The following EPHA10 variants were observed in gnomAD, a reference collection of about 807,000 sequenced individuals.
The protein encoded by EPHA10 is EPH receptor A10.
A neutral mutation model predicts 109.7 loss-of-function variants in EPHA10; 120 were observed. The observed-to-expected ratio is 1.09, with a 90% CI of 0.94 to 1.27. The LOEUF (loss-of-function observed/expected upper bound fraction) is 1.27. Ranked by LOEUF, EPHA10 falls within the 50% of genes most tolerant of loss-of-function variation. The pLI is 0.00. For missense variants in EPHA10, 1,396 were observed against 1,411.1 expected (o/e 0.99, Z 0.17); for synonymous variants, 640 against 618.9 (o/e 1.03, Z -0.51).
intron 10 of EPHA10, 56 bp from the exon 11 acceptor site, chr1:37,721,901 G>C (rs1645804834): frequency 7.0e-7 from 1 of 1,435,242 alleles, no homozygotes; most frequent in Non-Finnish European, 9.2e-7. Context: ...GGCTGAGCTG[G>C]GCAGGCTGAG....
chr1:37,729,299 A>G (rs977117737), intron 7 of EPHA10, among the ~76,000 whole-genome samples: 1 of 152,198 alleles, frequency 6.6e-6, no homozygotes, highest in African/African-American at 2.4e-5. Flanking sequence ...GCTGAGAGGC[A>G]CCTATATTAC....
At chr1:37,749,504 C>A (rs1646291169) in intron 5 of EPHA10, among the ~76,000 whole-genome samples, 1 of 151,724 alleles carries the variant, frequency 6.6e-6, no homozygotes, top group African/African-American at 2.4e-5. Context: ...GAAACCCTGT[C>A]TCTACTAAAA....
chr1:37,761,434 C>A lies in EPHA10; in HGVS notation c.821G>T (p.Gly274Val). The change falls in exon 3 of 17, where the codon GGA (glycine) becomes GTA (valine). Residue 274 changes from glycine to valine, a missense_variant. Coordinates refer to ENST00000373048, the MANE Select transcript of EPHA10 (RefSeq NM_001099439.2). ...GCAGAAGTCACCACGCTCCTGGAAT[C>A]CCGCGCTGCAGCTGCAGCGGCCCAC... ...VPVGRCSCSA[G>V]FQERGDFCEA... 1 of 1,599,736 alleles carries A rather than the reference C, an allele frequency of 6.3e-7. No individual in the cohort carries two copies. Among genetic ancestry groups the A allele is most frequent in the South Asian group, 1.1e-5 (1 of 91,078 alleles).
At chr1:37,749,416 T>C (rs1557553115) in intron 5 of EPHA10, among the ~76,000 whole-genome samples, 1 of 151,592 alleles carries the variant, frequency 6.6e-6, no homozygotes, top group Non-Finnish European at 1.5e-5. Context: ...CTCACGCCTG[T>C]AATCCCAGCA....
intron 7 of EPHA10, among the ~76,000 whole-genome samples, chr1:37,729,210 G>A (rs1645941549): frequency 6.6e-6 from 1 of 152,170 alleles, no homozygotes; most frequent in Non-Finnish European, 1.5e-5. Flanking sequence ...CTCTCCCCCA[G>A]CTAAGCCCCG....
At chr1:37,714,251 G>A (rs1264632320), downstream of EPHA10, among the ~76,000 whole-genome samples, 1 of 152,220 alleles carries the variant, frequency 6.6e-6, no homozygotes, top group African/African-American at 2.4e-5. Context: ...GCAGCCTAAA[G>A]AACATGAATG....
In EPHA10 at chr1:37,731,417, C is replaced by T. The variant is rs1645979876; in HGVS notation, c.1657G>A (p.Gly553Arg). The change falls in exon 7 of 17, where the codon GGG (glycine) becomes AGG (arginine). Residue 553 changes from glycine (G) to arginine (R), a missense_variant. Transcript: ENST00000373048. Reference sequence around the variant, plus strand: ...ACTCACACACACTACTTACCCTCCCCCAGGGTCTGTACTTCAATGCTGGGG... The same window carrying T: ...ACTCACACACACTACTTACCCTCCCTCAGGGTCTGTACTTCAATGCTGGGG... ...FNPSIEVQTL[G>R]EAASGSRDQS... is the part of the protein sequence containing the mutation. The T allele has an allele frequency of 1.9e-6, 3 of 1,606,166 alleles. No individual in the cohort carries two copies. The highest frequency in any genetic ancestry group is 2.6e-6 in the Non-Finnish European group (3 of 1,175,518).
In EPHA10 at chr1:37,752,929, G is replaced by A; in HGVS notation, c.1304C>T (p.Ala435Val). The A allele has an allele frequency of 1.5e-6, 2 of 1,309,964 alleles. No homozygotes were observed. The highest frequency in any genetic ancestry group is 1.9e-6 in the Non-Finnish European group (2 of 1,032,168). 81.1% of individuals were successfully genotyped at this position (1,309,964 alleles called of 1,614,324 possible). Residue 435 changes from alanine to valine, a missense_variant, in exon 5 of 17, where the codon GCG becomes GTG. By Grantham distance (64) the Ala-to-Val change is moderately conservative (BLOSUM62 0). Transcript: ENST00000373048. Reference sequence around the variant, plus strand: ...CGCGTAGGTGGTTCCCGCGGCGGCCGCCGGGCCCGAGACGCCGTTGAGCGC... The same window carrying A: ...CGCGTAGGTGGTTCCCGCGGCGGCCACCGGGCCCGAGACGCCGTTGAGCGC... ...VAALNGVSGPAAAAGTTYAQV... is the reference protein window; with the variant it reads ...VAALNGVSGPVAAAGTTYAQV...
chr1:37,760,213 G>T (rs1372305385), intron 3 of EPHA10: 16 of 946,544 alleles, frequency 1.7e-5, no homozygotes, highest in Non-Finnish European at 1.9e-5. Context: ...TGAGCTTCTT[G>T]AGAGCTAGGA....
At position 37,754,273 on chromosome 1, in the gene EPHA10, G is replaced by A; in HGVS notation, c.948C>T (p.Cys316=). Residue 316 remains cysteine, a synonymous_variant, in exon 4 of 17, where the codon TGC becomes TGT. Coordinates refer to ENST00000373048, the MANE Select transcript of EPHA10 (RefSeq NM_001099439.2). The surrounding 1 kb of genome is among the most constrained non-coding windows in gnomAD (Gnocchi z 4.5). The stretch of plus-strand genomic sequence containing the variant: ...AGCGCGCATAGCTGTCCTGGCACAC[G>A]CAGAAGGTGGAGGCGTTTTCCAGGG... ...SRALENASTF[C]VCQDSYARSP... 2 of 1,320,008 alleles carry A rather than the reference G, an allele frequency of 1.5e-6. No individual in the cohort carries two copies. Among genetic ancestry groups the A allele is most frequent in the Admixed American group, 4.0e-5 (1 of 25,190 alleles). 81.8% of individuals were successfully genotyped at this position (1,320,008 alleles called of 1,614,324 possible).
rs1240163613 is a variant in EPHA10, at chr1:37,751,224, AAG to A, written c.1357+1650_1357+1651del. Among the ~76,000 whole-genome samples the A allele has an allele frequency of 4.9e-4, 55 of 112,036 alleles. 2 individuals are homozygous for A. Among genetic ancestry groups the A allele is most frequent in the South Asian group, 8.9e-4 (3 of 3,362 alleles). 73.5% of individuals were successfully genotyped at this position (112,036 alleles called of 152,430 possible). A position where few individuals can be genotyped will look rare whatever the true frequency, so the allele number is the denominator to read the frequency against. On this transcript the variant is annotated intron_variant, in intron 5 of 16. Transcript: ENST00000373048. ...CTCAAAAAAAAAAAAAAAAGAAAGA[AAG>A]AAAGAAAAAGAAAAAGAAAAAAAAA...
At position 37,761,668 on chromosome 1, in the gene EPHA10, C is replaced by CTTT. The variant is rs749944073; in HGVS notation, c.586_587insAAA (p.Gly196delinsGluSer). 2 of 1,610,354 alleles carry CTTT rather than the reference C, an allele frequency of 1.2e-6. No individual in the cohort carries two copies. Among genetic ancestry groups the CTTT allele is most frequent in the Non-Finnish European group, 1.7e-6 (2 of 1,179,864 alleles). On this transcript the variant is annotated protein_altering_variant, in exon 3 of 17. Transcript: ENST00000373048. Reference sequence around the variant, plus strand: ...CACCGAGACAAGCGCCACGCATGCGCCCACGTCCTGAAAGGCCAGGTGGAA... The same window carrying CTTT: ...CACCGAGACAAGCGCCACGCATGCGCTTTCCACGTCCTGAAAGGCCAGGTGGAA...
chr1:37,723,402 G>C, intron 8 of EPHA10, 30 bp from the exon 9 acceptor site: 1 of 1,612,302 alleles, frequency 6.2e-7, no homozygotes, highest in South Asian at 1.1e-5. Context: ...CATTCTTTCA[G>C]CCAGGCCACC....
chr1:37,723,452 T>C lies in EPHA10; in HGVS notation c.1773-80A>G, dbSNP rs371676401. On this transcript the variant is annotated intron_variant, in intron 8 of 16. Transcript: ENST00000373048. ...TACAGAGCACTGAGGGCAGCACCTC[T>C]TTGTCCCTTCAAAAGACAAGGCCTG... 5.3e-6 allele frequency: 8 copies of C among 1,497,418 alleles called. No individual in the cohort carries two copies. The African/African-American group carries it at 8.3e-5, about 16-fold the overall frequency. The allele number at this position is 1,497,418 out of a possible 1,614,324, so 92.8% of individuals were successfully genotyped here.
In EPHA10 at chr1:37,735,263, G is replaced by A. The variant is rs138998381; in HGVS notation, c.1485C>T (p.Tyr495=). The A allele has an allele frequency of 8.0e-4, 1,250 of 1,567,158 alleles. 12 individuals are homozygous for A. In the African/African-American group the frequency reaches 0.015, roughly 19 times the overall value. ...ANDTEYEIRY[Y]EKGQSEQTYS... is the part of the protein sequence containing the mutation. ...CTCCCAGACACGCACTCACCTTCTC[G>A]TAGTATCGGATCTCGTACTCCGTGT... is the stretch of plus-strand genomic sequence containing the variant. The change falls in exon 6 of 17, where the codon TAC becomes TAT. Residue 495 remains tyrosine (Y), a synonymous_variant. Coordinates refer to ENST00000373048, the MANE Select transcript of EPHA10 (RefSeq NM_001099439.2).
chr1:37,714,907 GGGTGCTGTGTTACAGTCTGA>G (rs1301372316), downstream of EPHA10: 3 of 152,274 alleles, frequency 2.0e-5, no homozygotes, highest in Admixed American at 6.5e-5. Context: ...GCAAACCCAT[GGGTGCTGTGTTACAGTCTGA>G]GGTGCTGTGT....
At chr1:37,763,616 T>C (rs1646451740) in intron 1 of EPHA10, among the ~76,000 whole-genome samples, 1 of 151,972 alleles carries the variant, frequency 6.6e-6, no homozygotes, top group Admixed American at 6.6e-5. Context: ...AGTCAGTGAC[T>C]CTCCCCAGCC....
Position 37,725,234 on chromosome 1 carries a change from G to A in EPHA10, c.1773-1862C>T, listed in dbSNP as rs1428767872. Among the ~76,000 whole-genome samples, 4 of 152,116 alleles carry A rather than the reference G, an allele frequency of 2.6e-5. No individual in the cohort carries two copies. The East Asian group carries it at 7.7e-4, about 29-fold the overall frequency. On this transcript the variant is annotated intron_variant, in intron 8 of 16. Coordinates refer to ENST00000373048, the MANE Select transcript of EPHA10 (RefSeq NM_001099439.2). ...AAGTATTGGGGTGAGGCCAGGCATG[G>A]TGGCTCATACCTGTAATCCCAGCAC...
chr1:37,731,585 G>A lies in EPHA10; in HGVS notation c.1492-3C>T. On this transcript the variant is annotated splice_polypyrimidine_tract_variant and splice_region_variant and intron_variant, in intron 6 of 16. Coordinates refer to ENST00000373048, the MANE Select transcript of EPHA10 (RefSeq NM_001099439.2). ...GAGTAAGTCTGCTCACTCTGACCCTGGAGAGAGATCAAGAAGTGAAGCCCA... is the reference window on the plus strand; with the variant it reads ...GAGTAAGTCTGCTCACTCTGACCCTAGAGAGAGATCAAGAAGTGAAGCCCA... The A allele has an allele frequency of 6.2e-7, 1 of 1,600,948 alleles. No homozygotes were observed. The highest frequency in any genetic ancestry group is 1.7e-5 in the Admixed American group (1 of 57,924).
Sources: allele counts gnomAD v4.1 joint callset (sites outside exome capture counted in the v4.1 genomes callset), GRCh38; gene constraint gnomAD v4.1.1; non-coding constraint Gnocchi (gnomAD v3.1); transcripts MANE v1.5; gene names NCBI Gene and HGNC (gene_info 2026-07-23, HGNC 2026-07-21).